Variants in MAGI1 observed in about 807,000 individuals in gnomAD.
MAGI1 encodes the protein membrane associated guanylate kinase, WW and PDZ domain containing 1.
MAGI1 carries 58 observed loss-of-function variants against 139.9 expected under a neutral mutation model. That is an observed-to-expected ratio of 0.41 (90% confidence interval 0.34 to 0.52). The LOEUF (loss-of-function observed/expected upper bound fraction) is 0.52. MAGI1 is among the 20% of genes least tolerant of loss of function. The pLI, the probability that MAGI1 is intolerant of heterozygous loss-of-function variation, is 0.12. For missense variants in MAGI1, 1,874 were observed against 1,901.6 expected, an observed-to-expected ratio of 0.99 and a Z score of 0.27; for synonymous variants, 812 against 737.9, an observed-to-expected ratio of 1.10 and a Z score of -1.63.
At chr3:65,360,996 C>A in intron 22 of MAGI1, 4 of 1,456,736 alleles carry the variant, frequency 2.7e-6, no homozygotes, top group Admixed American at 2.7e-5. Flanking sequence ...TGTCTTAGGC[C>A]ATGCCCCAGT....
intron 5 of MAGI1, among the ~76,000 whole-genome samples, chr3:65,457,464 T>A (rs1354688298): frequency 6.6e-6 from 1 of 152,194 alleles, no homozygotes; most frequent in Non-Finnish European, 1.5e-5. Context: ...TTTAAGTATA[T>A]CTCTCCATTT....
intron 1 of MAGI1, among the ~76,000 whole-genome samples, chr3:65,855,559 A>T (rs1391699606): frequency 1.3e-5 from 1 of 76,086 alleles, no homozygotes; most frequent in Non-Finnish European, 2.8e-5. Context: ...CAATGATGAG[A>T]CCACTGCATC....
At chr3:65,648,734 G>A (rs1379369938) in intron 1 of MAGI1, among the ~76,000 whole-genome samples, 2 of 151,988 alleles carry the variant, frequency 1.3e-5, no homozygotes, top group African/African-American at 4.8e-5. Flanking sequence ...CATATGAAAG[G>A]CAAACAAACT....
intron 1 of MAGI1, among the ~76,000 whole-genome samples, chr3:65,771,470 G>C (rs1392515714): frequency 6.6e-6 from 1 of 152,090 alleles, no homozygotes; most frequent in Non-Finnish European, 1.5e-5. Flanking sequence ...GAAACATAGA[G>C]ATATTTTATT....
chr3:65,601,579 T>C (rs1022876513), intron 2 of MAGI1, among the ~76,000 whole-genome samples: 2 of 152,016 alleles, frequency 1.3e-5, no homozygotes, highest in African/African-American at 4.8e-5. Context: ...GATATCCACA[T>C]GCAAAAGAAT....
At chr3:65,946,627 G>A (rs1442545643) in intron 1 of MAGI1, among the ~76,000 whole-genome samples, 1 of 152,036 alleles carries the variant, frequency 6.6e-6, no homozygotes, top group Non-Finnish European at 1.5e-5. Flanking sequence ...CTGCCTACAA[G>A]TAGGCCTCAC....
intron 1 of MAGI1, among the ~76,000 whole-genome samples, chr3:65,780,914 T>C (rs916862317): frequency 6.6e-6 from 1 of 152,224 alleles, no homozygotes; most frequent in Non-Finnish European, 1.5e-5. Context: ...ACTTTGCATA[T>C]TGTATTTTTT....
intron 1 of MAGI1, among the ~76,000 whole-genome samples, chr3:65,875,634 T>G (rs2060087447): frequency 1.3e-5 from 2 of 152,146 alleles, no homozygotes; most frequent in Non-Finnish European, 2.9e-5. Context: ...CCTCCAGGCC[T>G]CTCTGAAAAT....
At chr3:65,539,298 AAAT>A (rs1213987694) in intron 2 of MAGI1, among the ~76,000 whole-genome samples, 27 of 152,148 alleles carry the variant, frequency 1.8e-4, no homozygotes, top group African/African-American at 6.5e-4. Context: ...AAACAGAAAC[AAAT>A]ACCAGCTACT....
At chr3:65,610,496 T>C (rs2082992118) in intron 2 of MAGI1, among the ~76,000 whole-genome samples, 1 of 152,010 alleles carries the variant, frequency 6.6e-6, no homozygotes. Flanking sequence ...AGCTATTTTT[T>C]TTCAAAATTC....
At chr3:65,596,328 C>G (rs12638286) in intron 2 of MAGI1, among the ~76,000 whole-genome samples, 10,396 of 152,126 alleles carry the variant, frequency 0.068, 417 homozygotes, top group East Asian at 0.16. Flanking sequence ...ACTGAAACCC[C>G]CAACAAATGT....
intron 1 of MAGI1, among the ~76,000 whole-genome samples, chr3:65,855,228 A>G: frequency 6.6e-6 from 1 of 151,424 alleles, no homozygotes; most frequent in Non-Finnish European, 1.5e-5. Flanking sequence ...AAGAGAAAAA[A>G]AGGCCTGTGA....
At position 65,620,173 on chromosome 3, in the gene MAGI1, T is replaced by C. The variant is rs149173722; in HGVS notation, c.430+1799A>G. ...ATTTGCTTCATCCCCATTTCTTAAA[T>C]TGGAATCTAAGTAGGGGAAAAATTA... On this transcript the variant is annotated intron_variant, in intron 2 of 22. Coordinates refer to ENST00000402939, the MANE Select transcript of MAGI1 (RefSeq NM_001033057.2). 9.9e-5 allele frequency among the ~76,000 whole-genome samples: 15 copies of C among 152,254 alleles called. 1 individual carries two copies. The highest frequency in any genetic ancestry group is 2.4e-4 in the African/African-American group (10 of 41,536).
rs575943678 is a variant in MAGI1, at chr3:65,843,443, C to T, written c.313+194553G>A. On this transcript the variant is annotated intron_variant, in intron 1 of 22. Coordinates refer to ENST00000402939, the MANE Select transcript of MAGI1 (RefSeq NM_001033057.2). Reference sequence around the variant, plus strand: ...AGTTAAGCTGTGTTCAGTTACTGACCCATAGAAACAAGGAAATGCTCAATG... The same window carrying T: ...AGTTAAGCTGTGTTCAGTTACTGACTCATAGAAACAAGGAAATGCTCAATG... Among the ~76,000 whole-genome samples, 121 of 152,180 alleles carry T rather than the reference C, an allele frequency of 8.0e-4. 1 individual carries two copies. In the South Asian group the frequency reaches 0.024, roughly 31 times the overall value.
intron 12 of MAGI1, among the ~76,000 whole-genome samples, chr3:65,414,851 C>T (rs55750316): frequency 7.5e-6 from 1 of 133,754 alleles, no homozygotes; most frequent in African/African-American, 2.6e-5. Context: ...AACCCCGTCT[C>T]TACTAAAAAA....
intron 1 of MAGI1, among the ~76,000 whole-genome samples, chr3:65,870,366 G>C (rs1057116934): frequency 6.6e-6 from 1 of 151,948 alleles, no homozygotes; most frequent in African/African-American, 2.4e-5. Context: ...GTGTAGCAAT[G>C]AGCTATTCAC....
intron 13 of MAGI1, among the ~76,000 whole-genome samples, chr3:65,393,937 T>C (rs1944157205): frequency 6.6e-6 from 1 of 152,204 alleles, no homozygotes; most frequent in South Asian, 2.1e-4. Flanking sequence ...TTCTTCTTCC[T>C]GAACTGGAGA....
intron 13 of MAGI1, among the ~76,000 whole-genome samples, chr3:65,393,683 G>C (rs541346396): frequency 6.6e-6 from 1 of 152,088 alleles, no homozygotes; most frequent in Non-Finnish European, 1.5e-5. Flanking sequence ...CTCTCTTTTG[G>C]TTCCTCAAAT....
At chr3:65,400,826 TG>T (rs972373721) in intron 13 of MAGI1, among the ~76,000 whole-genome samples, 10 of 127,788 alleles carry the variant, frequency 7.8e-5, no homozygotes. Context: ...CTGCTAAAGC[TG>T]GCAAAACAAC....
Sources: gnomAD v4.1 joint callset for allele counts (sites outside exome capture counted in the v4.1 genomes callset) on GRCh38, gnomAD v4.1.1 for gene constraint, MANE v1.5 for transcripts, NCBI Gene and HGNC (gene_info 2026-07-23, HGNC 2026-07-21) for gene names.